Variants in PTPRN2 observed in about 807,000 individuals in gnomAD.
PTPRN2 encodes the protein receptor-type tyrosine-protein phosphatase N2.
A neutral mutation model predicts 118.8 loss-of-function variants in PTPRN2; 74 were observed. The ratio of observed to expected loss-of-function variants is 0.62; its 90% CI spans 0.52 to 0.76. The LOEUF is 0.76. PTPRN2 is among the 30% of genes least tolerant of loss of function. PTPRN2 has a pLI of 0.00. For missense variants in PTPRN2, 1,481 were observed against 1,394.4 expected (o/e 1.06, Z -0.99); for synonymous variants, 641 against 608.0 (o/e 1.05, Z -0.80).
chr7:158,340,844 G>T (rs1284105131), intron 2 of PTPRN2, among the ~76,000 whole-genome samples: 1 of 84,300 alleles, frequency 1.2e-5, no homozygotes, highest in Non-Finnish European at 2.5e-5. Flanking sequence ...CTCACCATAA[G>T]AGCTGACACA....
chr7:157,892,517 T>A (rs977236317), intron 12 of PTPRN2, among the ~76,000 whole-genome samples: 2 of 152,222 alleles, frequency 1.3e-5, no homozygotes, highest in Admixed American at 1.3e-4. Context: ...CTTAAAAGGT[T>A]TTAATTCCAC....
chr7:158,408,076 C>G (rs569730141), intron 2 of PTPRN2, among the ~76,000 whole-genome samples: 42 of 152,218 alleles, frequency 2.8e-4, no homozygotes, highest in African/African-American at 9.6e-4. Context: ...ACACTTAGAC[C>G]AAATGCTGAA....
chr7:158,271,698 T>G (rs1363363640), intron 3 of PTPRN2, among the ~76,000 whole-genome samples: 1 of 152,230 alleles, frequency 6.6e-6, no homozygotes, highest in Non-Finnish European at 1.5e-5. Flanking sequence ...GGTTTCTTTC[T>G]CACAGTTCTG....
intron 3 of PTPRN2, among the ~76,000 whole-genome samples, chr7:158,256,961 G>C (rs569288459): frequency 2.1e-4 from 32 of 152,092 alleles, no homozygotes; most frequent in Non-Finnish European, 3.8e-4. Flanking sequence ...GCTTTTTGCC[G>C]TCTGGGAGCT....
intron 12 of PTPRN2, among the ~76,000 whole-genome samples, chr7:157,796,300 C>T (rs966922040): frequency 1.2e-4 from 19 of 152,254 alleles, no homozygotes; most frequent in African/African-American, 4.6e-4. Flanking sequence ...GCACTAAGCA[C>T]ATGATTTTCC....
At chr7:158,138,201 T>C in intron 7 of PTPRN2, 93 bp downstream of exon 7, 1 of 1,116,702 alleles carries the variant, frequency 9.0e-7, no homozygotes. Context: ...AAAGCCCACA[T>C]TGCACTTGGT....
chr7:157,814,131 C>T (rs112700102), intron 12 of PTPRN2, among the ~76,000 whole-genome samples: 1,933 of 152,344 alleles, frequency 0.013, 45 homozygotes, highest in African/African-American at 0.045. Flanking sequence ...GGCGAAGGGC[C>T]TTCTCCTGCC....
At chr7:158,371,889 A>G (rs144003474) in intron 2 of PTPRN2, among the ~76,000 whole-genome samples, 12 of 152,308 alleles carry the variant, frequency 7.9e-5, no homozygotes, top group Admixed American at 5.9e-4. Flanking sequence ...ATATAAACCC[A>G]TGGATGTAAT....
intron 11 of PTPRN2, among the ~76,000 whole-genome samples, chr7:157,966,969 T>C (rs1411958358): frequency 6.6e-6 from 1 of 152,224 alleles, no homozygotes; most frequent in Non-Finnish European, 1.5e-5. Context: ...TTTGAAAGTA[T>C]ATTTGTTTTC....
intron 11 of PTPRN2, among the ~76,000 whole-genome samples, chr7:157,927,922 C>T (rs1263201873): frequency 6.6e-6 from 1 of 152,114 alleles, no homozygotes; most frequent in Non-Finnish European, 1.5e-5. Flanking sequence ...AAGAGAGGTG[C>T]ACATCACTAC....
In PTPRN2 at chr7:157,622,430, CCT is replaced by C. The variant is rs1249234694; in HGVS notation, c.2197-923_2197-922del. Among the ~76,000 whole-genome samples the C allele has an allele frequency of 6.6e-6, 1 of 152,194 alleles. No individual in the cohort carries two copies. Among genetic ancestry groups the C allele is most frequent in the East Asian group, 1.9e-4 (1 of 5,174 alleles). ...AGCCCTTCTCACCTTCTGCCCACCC[CCT>C]GACATCCCCTTCGATTGATCCGAGG... On this transcript the variant is annotated intron_variant, in intron 14 of 22. Coordinates refer to ENST00000389418, the MANE Select transcript of PTPRN2 (RefSeq NM_002847.5). The surrounding 1 kb of genome is among the most constrained non-coding windows in gnomAD (Gnocchi z 5.3).
chr7:157,942,872 G>A (rs577715150), intron 11 of PTPRN2, among the ~76,000 whole-genome samples: 46 of 152,254 alleles, frequency 3.0e-4, no homozygotes, highest in African/African-American at 9.9e-4. Flanking sequence ...CTTCATCTGC[G>A]TAGCCTGAAT....
At chr7:157,915,752 G>A (rs188934328) in intron 11 of PTPRN2, among the ~76,000 whole-genome samples, 226 of 152,242 alleles carry the variant, frequency 1.5e-3, no homozygotes, top group African/African-American at 3.9e-3. Context: ...TGATGTCCCC[G>A]GGTTCCTGCT....
chr7:158,284,474 C>G (rs1264366662), intron 3 of PTPRN2, among the ~76,000 whole-genome samples: 1 of 152,194 alleles, frequency 6.6e-6, no homozygotes. Flanking sequence ...AGACAGAGAT[C>G]CACTCTGCAA....
At chr7:157,773,472 C>A (rs1803008070) in intron 12 of PTPRN2, among the ~76,000 whole-genome samples, 1 of 152,248 alleles carries the variant, frequency 6.6e-6, no homozygotes, top group Admixed American at 6.5e-5. Flanking sequence ...CTTCCCAGCA[C>A]CACCCGTGTC....
rs1231747472 is a variant in PTPRN2 at position 158,253,531 on chromosome 7, G to A, written c.278-48258C>T. ...AACCATCTAGGGCAGGGGCAGCCCC[G>A]GGTCTCCAGAGCACACGCCAGACTC... On this transcript the variant is annotated intron_variant, in intron 3 of 22. Coordinates refer to ENST00000389418, the MANE Select transcript of PTPRN2 (RefSeq NM_002847.5). 2.6e-5 allele frequency among the ~76,000 whole-genome samples: 4 copies of A among 152,136 alleles called. No homozygotes were observed. The East Asian group carries it at 5.8e-4, about 22-fold the overall frequency.
chr7:157,881,496 T>G lies in PTPRN2; in HGVS notation c.1788+17177A>C, dbSNP rs981539197. Among the ~76,000 whole-genome samples, 5 of 152,036 alleles carry G rather than the reference T, an allele frequency of 3.3e-5. No individual in the cohort carries two copies. The highest frequency in any genetic ancestry group is 1.3e-4 in the Admixed American group (2 of 15,270). ...CACCAGGATTGTGAGCAATAAAGGT[T>G]TGTGACTGAAGCCCCCCACTCTGCA... On this transcript the variant is annotated intron_variant, in intron 12 of 22. Transcript: ENST00000389418. The surrounding 1 kb of genome is among the most constrained non-coding windows in gnomAD (Gnocchi z 4.7).
intron 11 of PTPRN2, among the ~76,000 whole-genome samples, chr7:157,960,463 A>G (rs1431958113): frequency 6.6e-6 from 1 of 152,242 alleles, no homozygotes; most frequent in African/African-American, 2.4e-5. Context: ...GCACATGTCA[A>G]GAACAGATAA....
chr7:157,630,625 C>A (rs746046410), intron 14 of PTPRN2, among the ~76,000 whole-genome samples: 3 of 152,208 alleles, frequency 2.0e-5, no homozygotes, highest in Non-Finnish European at 4.4e-5. Flanking sequence ...GGCAGATATG[C>A]ACACATTACC....
Sources: gnomAD v4.1 joint callset for allele counts (sites outside exome capture counted in the v4.1 genomes callset) on GRCh38, gnomAD v4.1.1 for gene constraint, Gnocchi (gnomAD v3.1) non-coding constraint, MANE v1.5 for transcripts, NCBI Gene and HGNC (gene_info 2026-07-23, HGNC 2026-07-21) for gene names.